TDRD10: variants seen among roughly 807,000 people sequenced by gnomAD.
TDRD10 encodes tudor domain containing 10, also known as tudor domain-containing protein 10.
A neutral mutation model predicts 48.0 loss-of-function variants in TDRD10; 40 were observed. That is an observed-to-expected ratio of 0.83 (90% CI 0.65 to 1.09). TDRD10 has a LOEUF of 1.09. Among genes scored for constraint, TDRD10 ranks in the 50% least tolerant of loss-of-function variants. The probability of loss-of-function intolerance (pLI) is 0.00; values close to 1 mark genes in which losing one functional copy is unlikely to be tolerated. For missense variants in TDRD10, 378 were observed against 434.7 expected (o/e 0.87, Z 1.16); for synonymous variants, 162 against 170.4 (o/e 0.95, Z 0.38).
chr1:154,531,374 A>G lies in TDRD10; in HGVS notation c.369+9895A>G, dbSNP rs1214458515. ...GAAGCCGCGGACCCTTGCGGTAAGT[A>G]TTACAGTTCTTAAAGGCAGCATGTC... On this transcript the variant is annotated intron_variant, in intron 6 of 12. Coordinates refer to ENST00000368482, the MANE Select transcript of TDRD10 (RefSeq NM_182499.4). Among the ~76,000 whole-genome samples, 6 of 152,220 alleles carry G rather than the reference A, an allele frequency of 3.9e-5. No individual in the cohort carries two copies. In the East Asian group the frequency reaches 1.2e-3, roughly 29 times the overall value.
At chr1:154,518,219 G>A (rs1204867047) in intron 4 of TDRD10, among the ~76,000 whole-genome samples, 2 of 152,222 alleles carry the variant, frequency 1.3e-5, no homozygotes. Flanking sequence ...GATATTTATA[G>A]TAGATGTGCA....
At chr1:154,544,300 C>T in intron 9 of TDRD10, 72 bp from the exon 10 acceptor site, 1 of 1,546,084 alleles carries the variant, frequency 6.5e-7, no homozygotes, top group Non-Finnish European at 8.8e-7. Context: ...GCTAACATAA[C>T]AGGTGACGTC....
At chr1:154,533,500 G>A (rs1228122967) in intron 6 of TDRD10, among the ~76,000 whole-genome samples, 1 of 151,882 alleles carries the variant, frequency 6.6e-6, no homozygotes, top group Non-Finnish European at 1.5e-5. Context: ...TGGTCAGCCT[G>A]TTCCCTTCTC....
At chr1:154,522,762 A>G (rs1425439695) in intron 6 of TDRD10, among the ~76,000 whole-genome samples, 1 of 152,096 alleles carries the variant, frequency 6.6e-6, no homozygotes, top group Non-Finnish European at 1.5e-5. Flanking sequence ...CTGCTTAGGA[A>G]CCTTCCTGGC....
chr1:154,515,065 A>G (rs1278132765), intron 4 of TDRD10, among the ~76,000 whole-genome samples: 2 of 151,842 alleles, frequency 1.3e-5, no homozygotes, highest in African/African-American at 2.4e-5. Flanking sequence ...ACGGGGCTTC[A>G]CCATATTGGC....
At position 154,508,444 on chromosome 1, in the gene TDRD10, A is replaced by G; in HGVS notation, c.104A>G (p.Glu35Gly). The G allele has an allele frequency of 6.2e-7, 1 of 1,610,522 alleles. No homozygotes were observed. Among genetic ancestry groups the G allele is most frequent in the Non-Finnish European group, 8.5e-7 (1 of 1,176,732 alleles). ...TTAGGATTCAAGAAAAGAGAGACAG[A>G]GGTGTATGTTGGCAATCTTCCACTG... The part of the protein sequence containing the change: ...KSPGFKKRET[E>G]VYVGNLPLDI... The change falls in exon 4 of 13, where the codon GAG (glutamate) becomes GGG (glycine). Residue 35 changes from glutamate (E) to glycine (G), a missense_variant. Physicochemically the swap from Glu to Gly is moderately conservative, Grantham distance 98 (BLOSUM62 -2). This residue lies in a region of TDRD10 where 310 missense variants were observed against 323.6 expected (regional missense o/e 0.96). Coordinates refer to ENST00000368482, the MANE Select transcript of TDRD10 (RefSeq NM_182499.4).
chr1:154,506,796 C>A, intron 1 of TDRD10, 81 bp from the exon 2 acceptor site: 1 of 1,262,630 alleles, frequency 7.9e-7, no homozygotes, highest in Non-Finnish European at 1.2e-6. Context: ...CATTATTCTG[C>A]TTACCACAGT....
intron 1 of TDRD10, 94 bp downstream of exon 1, chr1:154,503,123 C>T (rs1187559903): frequency 6.6e-6 from 1 of 152,284 alleles, no homozygotes; most frequent in African/African-American, 2.4e-5. Flanking sequence ...CTCGTCCCGA[C>T]TGATGGGGGA....
rs1695270874 is a variant in TDRD10, at chr1:154,542,057, A to G, written c.403A>G (p.Lys135Glu). The G allele has an allele frequency of 3.1e-6, 5 of 1,613,156 alleles. No homozygotes were observed. Among genetic ancestry groups the G allele is most frequent in the Non-Finnish European group, 3.4e-6 (4 of 1,179,342 alleles). Residue 135 changes from lysine to glutamate, a missense_variant, in exon 7 of 13, where the codon AAA becomes GAA. Coordinates refer to ENST00000368482, the MANE Select transcript of TDRD10 (RefSeq NM_182499.4). ...LEKASGEGFG[K>E]TAAIIQLAPK... ...GAAGGCTTCTGGTGAAGGATTTGGC[A>G]AAACCGCCGGTGAGATTCTGCGCTG... is the stretch of plus-strand genomic sequence containing the variant.
intron 7 of TDRD10, 57 bp downstream of exon 7, chr1:154,542,123 C>G (rs1695275388): frequency 6.4e-7 from 1 of 1,572,474 alleles, no homozygotes; most frequent in African/African-American, 1.4e-5. Context: ...TCCTAATGGA[C>G]CTCTTCCAGC....
chr1:154,542,744 C>T lies in TDRD10; in HGVS notation c.426C>T (p.Leu142=), dbSNP rs115112312. ...GFGKTAAIIQ[L]APKAPVDLCE... ...TCTGCTTTCTAGCTATTATACAGCT[C>T]GCTCCTAAAGCTCCTGTTGACCTGT... is the stretch of plus-strand genomic sequence containing the variant. Residue 142 remains leucine (L), a synonymous_variant, in exon 8 of 13, where the codon CTC becomes CTT. Transcript: ENST00000368482. 791 of 1,613,606 alleles carry T rather than the reference C, an allele frequency of 4.9e-4. 3 individuals are homozygous for T. The African/African-American group carries it at 8.6e-3, about 18-fold the overall frequency.
intron 6 of TDRD10, among the ~76,000 whole-genome samples, chr1:154,539,235 A>T (rs1695092788): frequency 6.6e-6 from 1 of 152,176 alleles, no homozygotes; most frequent in Non-Finnish European, 1.5e-5. Flanking sequence ...CCTGGTGTAG[A>T]AGAGGAAACC....
chr1:154,525,892 T>C (rs1694287040), intron 6 of TDRD10, among the ~76,000 whole-genome samples: 1 of 48,810 alleles, frequency 2.0e-5, no homozygotes, highest in Non-Finnish European at 3.8e-5. Flanking sequence ...CAAGATTCCG[T>C]CTCAAAAAAA....
At chr1:154,515,404 C>T (rs1338310246) in intron 4 of TDRD10, among the ~76,000 whole-genome samples, 1 of 152,208 alleles carries the variant, frequency 6.6e-6, no homozygotes, top group Admixed American at 6.5e-5. Flanking sequence ...CACTCAGAAG[C>T]CTCCAGTGGC....
intron 6 of TDRD10, among the ~76,000 whole-genome samples, chr1:154,532,694 C>A (rs887980243): frequency 6.6e-6 from 1 of 152,162 alleles, no homozygotes; most frequent in Non-Finnish European, 1.5e-5. Flanking sequence ...GTGAGTTTCA[C>A]TGGAAACTTG....
intron 6 of TDRD10, among the ~76,000 whole-genome samples, chr1:154,538,755 A>T (rs1346409740): frequency 6.6e-6 from 1 of 151,430 alleles, no homozygotes; most frequent in African/African-American, 2.4e-5. Flanking sequence ...CGGGAGGCTG[A>T]GGCAGGAGAA....
intron 6 of TDRD10, among the ~76,000 whole-genome samples, chr1:154,532,370 G>A (rs1422829233): frequency 6.6e-6 from 1 of 152,200 alleles, no homozygotes; most frequent in Non-Finnish European, 1.5e-5. Context: ...GCCGCTCTGA[G>A]TGCGGCCCGC....
intron 6 of TDRD10, among the ~76,000 whole-genome samples, chr1:154,522,974 GGAGTT>G (rs1317545291): frequency 6.6e-6 from 1 of 152,072 alleles, no homozygotes. Context: ...GGAGTGCAGT[GGAGTT>G]ATCTCAGCTC....
intron 1 of TDRD10, among the ~76,000 whole-genome samples, chr1:154,504,830 A>G (rs753487214): frequency 3.3e-5 from 5 of 152,134 alleles, no homozygotes; most frequent in Non-Finnish European, 7.4e-5. Flanking sequence ...TCTACTAAAA[A>G]CACAAAAATT....
Sources: gnomAD v4.1 joint callset for allele counts (sites outside exome capture counted in the v4.1 genomes callset) on GRCh38, gnomAD v4.1.1 for gene constraint, gnomAD v4.1.1 regional missense constraint, MANE v1.5 for transcripts, NCBI Gene and HGNC (gene_info 2026-07-23, HGNC 2026-07-21) for gene names.